Variants in LRRC8C observed in about 807,000 individuals in gnomAD.
LRRC8C encodes the protein volume-regulated anion channel subunit LRRC8C.
A neutral mutation model predicts 55.3 loss-of-function variants in LRRC8C; 20 were observed. The observed-to-expected ratio is 0.36, with a 90% CI of 0.25 to 0.53. The LOEUF (loss-of-function observed/expected upper bound fraction) is 0.53, where lower values mean the gene tolerates loss of function less well. LRRC8C is among the 20% of genes least tolerant of loss of function. The pLI, the probability that LRRC8C is intolerant of heterozygous loss-of-function variation, is 0.92. For synonymous variants in LRRC8C, 376 were observed against 360.7 expected (o/e 1.04, Z -0.48); for missense variants, 659 against 951.4 (o/e 0.69, Z 4.04).
At chr1:89,660,648 C>G (rs146955363) in intron 1 of LRRC8C, among the ~76,000 whole-genome samples, 54 of 152,288 alleles carry the variant, frequency 3.5e-4, no homozygotes, top group African/African-American at 1.3e-3. Context: ...CCTTTGAAAA[C>G]ATGTGCACTT....
intron 2 of LRRC8C, among the ~76,000 whole-genome samples, chr1:89,706,919 A>T (rs1658496528): frequency 1.3e-5 from 2 of 152,216 alleles, no homozygotes; most frequent in African/African-American, 4.8e-5. Context: ...TTTGCAGATC[A>T]GAATTGAAGA....
At position 89,652,208 on chromosome 1, in the gene LRRC8C, C is replaced by G. The variant is rs1656809275; in HGVS notation, c.-5+18886C>G. 3.3e-5 allele frequency among the ~76,000 whole-genome samples: 5 copies of G among 152,080 alleles called. No homozygotes were observed. In the South Asian group the frequency reaches 8.3e-4, roughly 25 times the overall value. On this transcript the variant is annotated intron_variant, in intron 1 of 2. Transcript: ENST00000370454. Reference sequence around the variant, plus strand: ...GAAGATAAAACAATGGGAAAAGAATCAGAAGACCATCACAGAGTGGGTTAG... The same window carrying G: ...GAAGATAAAACAATGGGAAAAGAATGAGAAGACCATCACAGAGTGGGTTAG...
At chr1:89,678,706 A>AAG (rs1214227512) in intron 1 of LRRC8C, among the ~76,000 whole-genome samples, 1 of 144,974 alleles carries the variant, frequency 6.9e-6, no homozygotes, top group African/African-American at 2.5e-5. Flanking sequence ...GTCTAAAAAA[A>AAG]AAAAAAAACG....
rs758085091 is a variant in LRRC8C, at chr1:89,652,427, T to C, written c.-5+19105T>C. Among the ~76,000 whole-genome samples the C allele has an allele frequency of 1.8e-4, 27 of 152,306 alleles. 2 individuals carry two copies. Among genetic ancestry groups the C allele is most frequent in the Admixed American group, 9.2e-4 (14 of 15,294 alleles). ...GCACAAAGATTTTGGTGGTTAAGAA[T>C]AATAATTTTGAAGCTTCAAGTAATC... On this transcript the variant is annotated intron_variant, in intron 1 of 2. Transcript: ENST00000370454.
chr1:89,619,320 A>G, the LRRC8C span, among the ~76,000 whole-genome samples: 986 of 152,142 alleles, frequency 6.5e-3, 7 homozygotes, highest in African/African-American at 0.023. Context: ...TGATGATTTT[A>G]GTGTATCATG....
chr1:89,641,643 A>T (rs1490811225), intron 1 of LRRC8C, among the ~76,000 whole-genome samples: 1 of 151,950 alleles, frequency 6.6e-6, no homozygotes, highest in Non-Finnish European at 1.5e-5. Context: ...ACATTTTTGC[A>T]TTAGGGTCAT....
Position 89,712,864 on chromosome 1 carries a change from C to A in LRRC8C, c.294C>A (p.Gly98=), listed in dbSNP as rs778219403. Residue 98 remains glycine (G), a synonymous_variant, in exon 3 of 3, where the codon GGC becomes GGA. Coordinates refer to ENST00000370454, the MANE Select transcript of LRRC8C (RefSeq NM_032270.5). ...ACCCCATCACTGTGGAAATGAAAGGCCTGAAGACAGATTTGGACCTTCAGC... is the reference window on the plus strand; with the variant it reads ...ACCCCATCACTGTGGAAATGAAAGGACTGAAGACAGATTTGGACCTTCAGC... ...PANPITVEMK[G]LKTDLDLQQY... 7 of 1,614,146 alleles carry A rather than the reference C, an allele frequency of 4.3e-6. No homozygotes were observed. Among genetic ancestry groups the A allele is most frequent in the Non-Finnish European group, 5.1e-6 (6 of 1,180,028 alleles).
the LRRC8C span, among the ~76,000 whole-genome samples, chr1:89,622,481 C>T: frequency 1.3e-5 from 2 of 152,090 alleles, no homozygotes; most frequent in Non-Finnish European, 1.5e-5. Context: ...TACAGGCGCC[C>T]GCCAACACTC....
In LRRC8C at chr1:89,712,702, G is replaced by T. The variant is rs1454625468; in HGVS notation, c.139-7G>T. 6 of 1,596,554 alleles carry T rather than the reference G, an allele frequency of 3.8e-6. No homozygotes were observed. Among genetic ancestry groups the T allele is most frequent in the Non-Finnish European group, 5.2e-6 (6 of 1,164,620 alleles). On this transcript the variant is annotated splice_polypyrimidine_tract_variant and splice_region_variant and intron_variant, in intron 2 of 2. Transcript: ENST00000370454. Reference sequence around the variant, plus strand: ...TATAATTTGAAAATATTATTTCCATGTTTCAGGTCATGCAAGACAAGATAA... The same window carrying T: ...TATAATTTGAAAATATTATTTCCATTTTTCAGGTCATGCAAGACAAGATAA...
intron 2 of LRRC8C, among the ~76,000 whole-genome samples, chr1:89,709,750 T>G (rs1016571544): frequency 9.8e-4 from 103 of 105,102 alleles, no homozygotes; most frequent in African/African-American, 2.6e-3. Context: ...GGTTTTTTTT[T>G]GTTTGTTTTT....
At chr1:89,630,590 G>T (rs569973439), upstream of LRRC8C, among the ~76,000 whole-genome samples, 1 of 152,328 alleles carries the variant, frequency 6.6e-6, no homozygotes, top group East Asian at 1.9e-4. Flanking sequence ...AGTTCATCTA[G>T]CTCACAGTAC....
At position 89,714,102 on chromosome 1, in the gene LRRC8C, A is replaced by G. The variant is rs771614441; in HGVS notation, c.1532A>G (p.Tyr511Cys). 6.2e-7 allele frequency: 1 copy of G among 1,613,980 alleles called. No individual in the cohort carries two copies. The highest frequency in any genetic ancestry group is 8.5e-7 in the Non-Finnish European group (1 of 1,180,014). The change falls in exon 3 of 3, where the codon TAT (tyrosine) becomes TGT (cysteine). Residue 511 changes from tyrosine (Y) to cysteine (C), a missense_variant. Physicochemically the swap from Tyr to Cys is radical, Grantham distance 194. Coordinates refer to ENST00000370454, the MANE Select transcript of LRRC8C (RefSeq NM_032270.5). This position sits in a 1 kb window ranked among gnomAD's most constrained non-coding sequence, Gnocchi z 4.6. ...ATGAGGGAACTCCCCCCCTGGATGT[A>G]TGGGCTCCGAAATCTGGAAGAGCTG... Reference protein sequence around the residue: ...DDMRELPPWMYGLRNLEELYL... With the variant: ...DDMRELPPWMCGLRNLEELYL...
chr1:89,640,633 T>C (rs1656427783), intron 1 of LRRC8C, among the ~76,000 whole-genome samples: 1 of 152,222 alleles, frequency 6.6e-6, no homozygotes, highest in African/African-American at 2.4e-5. Flanking sequence ...AGTTAGGAGA[T>C]ACTGTCCAGC....
chr1:89,633,726 C>A (rs918647086), intron 1 of LRRC8C, among the ~76,000 whole-genome samples: 1 of 152,182 alleles, frequency 6.6e-6, no homozygotes, highest in Non-Finnish European at 1.5e-5. Context: ...CGGGGCCAGT[C>A]CTTTCCGGTC....
chr1:89,622,918 A>G, the LRRC8C span, among the ~76,000 whole-genome samples: 1 of 152,228 alleles, frequency 6.6e-6, no homozygotes, highest in African/African-American at 2.4e-5. Flanking sequence ...AAAATGAACA[A>G]TTAATATAAA....
intron 2 of LRRC8C, among the ~76,000 whole-genome samples, chr1:89,687,258 A>G (rs1418837079): frequency 6.6e-6 from 1 of 152,236 alleles, no homozygotes; most frequent in African/African-American, 2.4e-5. Context: ...GGTGTCCATA[A>G]GGCACTAAGG....
chr1:89,620,907 C>T, the LRRC8C span, among the ~76,000 whole-genome samples: 8 of 152,224 alleles, frequency 5.3e-5, no homozygotes, highest in Admixed American at 3.3e-4. Context: ...CATGACGACT[C>T]CTCATTTTCT....
intron 1 of LRRC8C, among the ~76,000 whole-genome samples, chr1:89,633,586 G>A (rs1656194963): frequency 6.6e-6 from 1 of 152,160 alleles, no homozygotes. Context: ...TCAGCCTGGC[G>A]CCCAACGCCG....
rs1348353090 is a variant in LRRC8C, at chr1:89,633,216, AGCGACCCCGCGG to A, written c.-105_-94del. 6.6e-6 allele frequency: 1 copy of A among 152,358 alleles called. No individual in the cohort carries two copies. The highest frequency in any genetic ancestry group is 1.5e-5 in the Non-Finnish European group (1 of 68,250). 9.4% of individuals were successfully genotyped at this position (152,358 alleles called of 1,614,324 possible). On this transcript the variant is annotated 5_prime_UTR_variant, in exon 1 of 3. Transcript: ENST00000370454. ...TGCTCGGGCGCGACAAGCCATGAGC[AGCGACCCCGCGG>A]GCGACGCCGCCGTCCCTGGCAGCCG...
Sources: allele counts gnomAD v4.1 joint callset (sites outside exome capture counted in the v4.1 genomes callset), GRCh38; gene constraint gnomAD v4.1.1; non-coding constraint Gnocchi (gnomAD v3.1); transcripts MANE v1.5; gene names NCBI Gene and HGNC (gene_info 2026-07-23, HGNC 2026-07-21).